Variants in JAKMIP1 observed in about 807,000 individuals in gnomAD.
JAKMIP1 encodes the protein janus kinase and microtubule-interacting protein 1.
JAKMIP1 carries 33 observed loss-of-function variants against 113.0 expected under a neutral mutation model. The observed-to-expected ratio is 0.29, with a 90% CI of 0.22 to 0.39. JAKMIP1 has a LOEUF of 0.39. JAKMIP1 is among the 10% of genes least tolerant of loss of function. The pLI is 1.00. For synonymous variants in JAKMIP1, 480 were observed against 459.9 expected, an observed-to-expected ratio of 1.04 and a Z score of -0.56; for missense variants, 813 against 1,080.5, an observed-to-expected ratio of 0.75 and a Z score of 3.47.
chr4:6,110,843 C>G (rs1157857534), intron 2 of JAKMIP1, among the ~76,000 whole-genome samples: 1 of 151,096 alleles, frequency 6.6e-6, no homozygotes, highest in Non-Finnish European at 1.5e-5. Flanking sequence ...CCTGTCACCA[C>G]AGCTGCTGTA....
Position 6,051,818 on chromosome 4 carries a change from T to C in JAKMIP1, c.1807-1139A>G, listed in dbSNP as rs1715694979. On this transcript the variant is annotated intron_variant, in intron 13 of 20. Transcript: ENST00000409021. This position sits in a 1 kb window ranked among gnomAD's most constrained non-coding sequence, Gnocchi z 5.0. Reference sequence around the variant, plus strand: ...ACAGGACTCAGGTCTCAGATGTGTTTCCTGCACAGAATGGACTTTAAACAC... The same window carrying C: ...ACAGGACTCAGGTCTCAGATGTGTTCCCTGCACAGAATGGACTTTAAACAC... 6.6e-6 allele frequency among the ~76,000 whole-genome samples: 1 copy of C among 152,226 alleles called. No individual in the cohort carries two copies. The highest frequency in any genetic ancestry group is 2.1e-4 in the South Asian group (1 of 4,814).
Position 6,150,008 on chromosome 4 carries a change from C to T in JAKMIP1, c.-147-37011G>A, listed in dbSNP as rs1380421545. Reference sequence around the variant, plus strand: ...GTCACCCGCCAATTCCAAATCTCCCCTTGCCTAAATCTCACATCCTCCAAG... The same window carrying T: ...GTCACCCGCCAATTCCAAATCTCCCTTTGCCTAAATCTCACATCCTCCAAG... On this transcript the variant is annotated intron_variant, in intron 1 of 20. Coordinates refer to ENST00000409021, the MANE Select transcript of JAKMIP1 (RefSeq NM_001099433.2). This position sits in a 1 kb window ranked among gnomAD's most constrained non-coding sequence, Gnocchi z 4.8. 6.6e-6 allele frequency among the ~76,000 whole-genome samples: 1 copy of T among 152,214 alleles called. No homozygotes were observed. The highest frequency in any genetic ancestry group is 1.5e-5 in the Non-Finnish European group (1 of 68,036).
Position 6,034,136 on chromosome 4 carries a change from T to G in JAKMIP1, c.2379+1768A>C, listed in dbSNP as rs1166733675. ...CACTGTTCCAGGGTGGTGGTTTCTC[T>G]GTAAAATCCTATATACAGGGTACTA... On this transcript the variant is annotated intron_variant, in intron 19 of 20. Transcript: ENST00000409021. Among the ~76,000 whole-genome samples, 4 of 95,502 alleles carry G rather than the reference T, an allele frequency of 4.2e-5. No individual in the cohort carries two copies. The East Asian group carries it at 7.7e-4, about 18-fold the overall frequency. 62.7% of individuals were successfully genotyped at this position (95,502 alleles called of 152,430 possible). A position where few individuals can be genotyped will look rare whatever the true frequency, so the allele number is the denominator to read the frequency against.
At chr4:6,057,746 T>C (rs1355306809) in intron 11 of JAKMIP1, among the ~76,000 whole-genome samples, 1 of 152,176 alleles carries the variant, frequency 6.6e-6, no homozygotes, top group Non-Finnish European at 1.5e-5. Flanking sequence ...TGGGGTCCAT[T>C]TCTTCAACCT....
chr4:6,072,150 C>T (rs537218085), intron 8 of JAKMIP1, among the ~76,000 whole-genome samples: 20 of 152,294 alleles, frequency 1.3e-4, no homozygotes, highest in Middle Eastern at 3.4e-3. Flanking sequence ...ATAATTAGGA[C>T]TATTCCCCTA....
In JAKMIP1 at chr4:6,112,872, C is replaced by T. The variant is rs766090171; in HGVS notation, c.-22G>A. The stretch of plus-strand genomic sequence containing the variant: ...ACATGCTTCCCCTTGGGTCAGAGTG[C>T]TGAGATCCTGCGGTCCACACCTGTT... On this transcript the variant is annotated 5_prime_UTR_variant, in exon 2 of 21. Coordinates refer to ENST00000409021, the MANE Select transcript of JAKMIP1 (RefSeq NM_001099433.2). 2.5e-6 allele frequency: 4 copies of T among 1,611,488 alleles called. No individual in the cohort carries two copies. Among genetic ancestry groups the T allele is most frequent in the African/African-American group, 2.7e-5 (2 of 74,932 alleles).
rs1196222693 is a variant in JAKMIP1 at position 6,179,246 on chromosome 4, T to C, written c.-148+21007A>G. Among the ~76,000 whole-genome samples, 1 of 152,128 alleles carries C rather than the reference T, an allele frequency of 6.6e-6. No homozygotes were observed. Among genetic ancestry groups the C allele is most frequent in the African/African-American group, 2.4e-5 (1 of 41,418 alleles). On this transcript the variant is annotated intron_variant, in intron 1 of 20. Coordinates refer to ENST00000409021, the MANE Select transcript of JAKMIP1 (RefSeq NM_001099433.2). This position sits in a 1 kb window ranked among gnomAD's most constrained non-coding sequence, Gnocchi z 4.5. ...GAGATTCTCATCTCAAAGCCCCAGA[T>C]TCACTAACTCTAACCCCTAAATGAC...
At chr4:6,173,892 A>G (rs1725032786) in intron 1 of JAKMIP1, among the ~76,000 whole-genome samples, 1 of 152,188 alleles carries the variant, frequency 6.6e-6, no homozygotes, top group Non-Finnish European at 1.5e-5. Context: ...CCTGGCGAAC[A>G]TGGTGAAACC....
In JAKMIP1 at chr4:6,080,033, G is replaced by T; in HGVS notation, c.1242+139C>A. 3.3e-6 allele frequency: 3 copies of T among 915,052 alleles called. No homozygotes were observed. The highest frequency in any genetic ancestry group is 3.2e-6 in the Non-Finnish European group (2 of 626,592). The allele number at this position is 915,052 out of a possible 1,614,324, so 56.7% of individuals were successfully genotyped here. ...GGAATGTGCACACCAGGGTGAGCTTGGTGAGTCCCAAAGTCAGCACTGCCT... is the reference window on the plus strand; with the variant it reads ...GGAATGTGCACACCAGGGTGAGCTTTGTGAGTCCCAAAGTCAGCACTGCCT... On this transcript the variant is annotated intron_variant, in intron 7 of 20. Coordinates refer to ENST00000409021, the MANE Select transcript of JAKMIP1 (RefSeq NM_001099433.2). This position sits in a 1 kb window ranked among gnomAD's most constrained non-coding sequence, Gnocchi z 6.0.
chr4:6,096,723 A>C (rs1257384251), intron 3 of JAKMIP1, among the ~76,000 whole-genome samples: 1 of 152,186 alleles, frequency 6.6e-6, no homozygotes, highest in African/African-American at 2.4e-5. Context: ...TTGGGACCAG[A>C]AGTGTTACAG....
In JAKMIP1 at chr4:6,088,852, G is replaced by T. The variant is rs528297455; in HGVS notation, c.625-3223C>A. ...TGGAACATCCCTCAGCTTCCTTCCCGCATCCATTTCCCCTTCTCCCATACG... is the reference window on the plus strand; with the variant it reads ...TGGAACATCCCTCAGCTTCCTTCCCTCATCCATTTCCCCTTCTCCCATACG... On this transcript the variant is annotated intron_variant, in intron 3 of 20. Coordinates refer to ENST00000409021, the MANE Select transcript of JAKMIP1 (RefSeq NM_001099433.2). The surrounding 1 kb of genome is among the most constrained non-coding windows in gnomAD (Gnocchi z 5.5). 6.6e-6 allele frequency among the ~76,000 whole-genome samples: 1 copy of T among 152,050 alleles called. No homozygotes were observed. The highest frequency in any genetic ancestry group is 1.5e-5 in the Non-Finnish European group (1 of 67,994).
intron 1 of JAKMIP1, among the ~76,000 whole-genome samples, chr4:6,133,505 C>T (rs559689292): frequency 1.2e-4 from 19 of 152,322 alleles, no homozygotes; most frequent in African/African-American, 4.3e-4. Context: ...CCCAGCCTGA[C>T]GCAAGCAGAT....
Position 6,029,748 on chromosome 4 carries a change from G to T in JAKMIP1, c.2413C>A (p.Gln805Lys). 6.2e-7 allele frequency: 1 copy of T among 1,605,166 alleles called. No homozygotes were observed. Reference protein sequence around the residue: ...IRELEDKLEFQKRHLKELEEK... With the variant: ...IRELEDKLEFKKRHLKELEEK... ...TCCAGTTCTTTCAGGTGCCGCTTCT[G>T]AAACTCCAGTTTGTCCTCCAGTTCT... is the stretch of plus-strand genomic sequence containing the variant. The change falls in exon 20 of 21, where the codon CAG becomes AAG. Residue 805 changes from glutamine (Q) to lysine (K), a missense_variant. By Grantham distance (53) the Gln-to-Lys change is moderately conservative (BLOSUM62 1). Around this residue, in one of 2 missense-constraint regions of JAKMIP1, gnomAD observed 273 missense variants for 426.6 expected, o/e 0.64. Transcript: ENST00000409021.
At chr4:6,102,608 G>A (rs1283656955) in intron 3 of JAKMIP1, among the ~76,000 whole-genome samples, 3 of 150,776 alleles carry the variant, frequency 2.0e-5, no homozygotes, top group African/African-American at 7.3e-5. Flanking sequence ...TACCCAGTCT[G>A]TGTTATTTTG....
chr4:6,078,208 G>C (rs141103336), intron 8 of JAKMIP1, among the ~76,000 whole-genome samples: 1,637 of 152,036 alleles, frequency 0.011, 35 homozygotes, highest in African/African-American at 0.037. Flanking sequence ...CCAGCTACTC[G>C]GGAGGCTGAG....
chr4:6,164,362 C>T (rs1224337414), intron 1 of JAKMIP1, among the ~76,000 whole-genome samples: 1 of 152,120 alleles, frequency 6.6e-6, no homozygotes, highest in African/African-American at 2.4e-5. Flanking sequence ...ATTTTAAACC[C>T]ACTGTTGAGA....
At chr4:6,071,879 G>A (rs1215959846) in intron 8 of JAKMIP1, among the ~76,000 whole-genome samples, 9 of 152,170 alleles carry the variant, frequency 5.9e-5, no homozygotes, top group African/African-American at 1.7e-4. Context: ...CCAGCAGGTG[G>A]GACATGGAGC....
At chr4:6,191,499 C>G (rs1727255450) in intron 1 of JAKMIP1, among the ~76,000 whole-genome samples, 1 of 152,242 alleles carries the variant, frequency 6.6e-6, no homozygotes, top group Non-Finnish European at 1.5e-5. Flanking sequence ...TCGCAGCGCA[C>G]AAGGTGGCCC....
chr4:6,096,155 G>A (rs1711714176), intron 3 of JAKMIP1, among the ~76,000 whole-genome samples: 1 of 152,176 alleles, frequency 6.6e-6, no homozygotes, highest in Non-Finnish European at 1.5e-5. Flanking sequence ...ACCTGCCAAA[G>A]GCACCTGCTG....
Sources: allele counts gnomAD v4.1 joint callset (sites outside exome capture counted in the v4.1 genomes callset), GRCh38; gene constraint gnomAD v4.1.1; regional missense constraint gnomAD v4.1.1; non-coding constraint Gnocchi (gnomAD v3.1); transcripts MANE v1.5; gene names NCBI Gene and HGNC (gene_info 2026-07-23, HGNC 2026-07-21).